The following ARHGAP22 variants were observed in gnomAD, a reference collection of about 807,000 sequenced individuals.
The protein encoded by ARHGAP22 is Rho GTPase activating protein 22, also known as rho GTPase-activating protein 22.
In ARHGAP22, 48 loss-of-function variants were observed where a neutral mutation model predicts 59.1. The ratio of observed to expected loss-of-function variants is 0.81; its 90% CI spans 0.64 to 1.03. The LOEUF (loss-of-function observed/expected upper bound fraction) is 1.03. ARHGAP22 is among the 50% of genes least tolerant of loss of function. The pLI is 0.00. For missense variants in ARHGAP22, 1,015 were observed against 958.7 expected, an observed-to-expected ratio of 1.06 and a Z score of -0.78; for synonymous variants, 445 against 416.4, an observed-to-expected ratio of 1.07 and a Z score of -0.84.
intron 3 of ARHGAP22, among the ~76,000 whole-genome samples, chr10:48,502,137 A>G (rs2051588825): frequency 6.6e-6 from 1 of 152,232 alleles, no homozygotes; most frequent in African/African-American, 2.4e-5. Flanking sequence ...AAATGGTTTC[A>G]GCTCTGTTCC....
chr10:48,539,290 CA>C (rs1186765431), intron 3 of ARHGAP22, among the ~76,000 whole-genome samples: 12 of 129,336 alleles, frequency 9.3e-5, no homozygotes, highest in Non-Finnish European at 1.1e-4. Flanking sequence ...AGAAGGGTAA[CA>C]TTTTTTTTTT....
intron 2 of ARHGAP22, chr10:48,575,336 A>C (rs2058643316): frequency 6.6e-6 from 1 of 152,192 alleles, no homozygotes; most frequent in Non-Finnish European, 1.5e-5. Flanking sequence ...TGAAAGCAAC[A>C]TTTTATTTTT....
At chr10:48,434,042 TAA>T in the ARHGAP22 span, among the ~76,000 whole-genome samples, 2 of 152,216 alleles carry the variant, frequency 1.3e-5, no homozygotes, top group Non-Finnish European at 2.9e-5. Context: ...TCCCCCAGCA[TAA>T]GTCATTCCTG....
At chr10:48,625,366 G>A (rs975257390) in intron 1 of ARHGAP22, among the ~76,000 whole-genome samples, 2 of 152,096 alleles carry the variant, frequency 1.3e-5, no homozygotes, top group African/African-American at 4.8e-5. Context: ...TGACCCCCTT[G>A]TCTAGCTGAG....
intron 4 of ARHGAP22, among the ~76,000 whole-genome samples, chr10:48,469,548 C>A (rs113081841): frequency 2.0e-5 from 3 of 152,178 alleles, no homozygotes; most frequent in Non-Finnish European, 2.9e-5. Flanking sequence ...ATTATGCCCC[C>A]CTCCCCAACC....
chr10:48,616,280 C>A (rs190470109), intron 1 of ARHGAP22, among the ~76,000 whole-genome samples: 1 of 152,004 alleles, frequency 6.6e-6, no homozygotes, highest in Non-Finnish European at 1.5e-5. Flanking sequence ...CCATTTGCAC[C>A]GGGAAACCAA....
At chr10:48,434,855 G>A in the ARHGAP22 span, 7 of 1,583,508 alleles carry the variant, frequency 4.4e-6, no homozygotes, top group South Asian at 6.9e-5. Context: ...GTCTGCAACT[G>A]ATTTGCTGTT....
intron 1 of ARHGAP22, among the ~76,000 whole-genome samples, chr10:48,590,462 C>T (rs1284205366): frequency 2.0e-5 from 3 of 152,220 alleles, no homozygotes; most frequent in East Asian, 1.9e-4. Flanking sequence ...AAGAATGAGG[C>T]CTTCCTCTGC....
At chr10:48,607,064 G>T (rs1263901991), upstream of ARHGAP22, among the ~76,000 whole-genome samples, 1 of 152,154 alleles carries the variant, frequency 6.6e-6, no homozygotes, top group African/African-American at 2.4e-5. Context: ...CGACACCAGG[G>T]TCACAGGGCA....
At chr10:48,482,823 A>G (rs1223384132) in intron 3 of ARHGAP22, among the ~76,000 whole-genome samples, 1 of 152,136 alleles carries the variant, frequency 6.6e-6, no homozygotes, top group African/African-American at 2.4e-5. Context: ...TTATTTTGAA[A>G]TATGCAATAC....
chr10:48,444,638 T>C (rs2045282436), downstream of ARHGAP22: 1 of 152,166 alleles, frequency 6.6e-6, no homozygotes, highest in African/African-American at 2.4e-5. Flanking sequence ...TCTCCTCTGC[T>C]CCTTTGATAG....
At chr10:48,440,521 AAAG>A in the ARHGAP22 span, among the ~76,000 whole-genome samples, 1 of 152,166 alleles carries the variant, frequency 6.6e-6, no homozygotes, top group Non-Finnish European at 1.5e-5. Flanking sequence ...CCCTTGGCAT[AAAG>A]AAGGTTTGGA....
intron 5 of ARHGAP22, 149 bp downstream of exon 5, chr10:48,459,534 AG>A: frequency 1.1e-6 from 1 of 871,714 alleles, no homozygotes. Context: ...TGGCGGAGTG[AG>A]GGTGTGCCCT....
intron 1 of ARHGAP22, among the ~76,000 whole-genome samples, chr10:48,637,748 GA>G (rs1442386435): frequency 6.6e-6 from 1 of 152,126 alleles, no homozygotes; most frequent in Non-Finnish European, 1.5e-5. Context: ...GGGATGAAAA[GA>G]AGGCAGAACC....
At chr10:48,537,686 G>T (rs920425310) in intron 3 of ARHGAP22, among the ~76,000 whole-genome samples, 1 of 152,226 alleles carries the variant, frequency 6.6e-6, no homozygotes, top group African/African-American at 2.4e-5. Flanking sequence ...GAAGCAGCAG[G>T]TCCTCTCCTC....
At chr10:48,594,560 C>T (rs1389552525) in intron 1 of ARHGAP22, among the ~76,000 whole-genome samples, 1 of 152,194 alleles carries the variant, frequency 6.6e-6, no homozygotes, top group Non-Finnish European at 1.5e-5. Flanking sequence ...TTTCCCTCCC[C>T]ACCCCCAAAT....
chr10:48,462,331 T>C (rs1208870709), intron 4 of ARHGAP22, among the ~76,000 whole-genome samples: 3 of 152,144 alleles, frequency 2.0e-5, no homozygotes, highest in Non-Finnish European at 4.4e-5. Flanking sequence ...CTGAGCATTT[T>C]ACACTCATCA....
At chr10:48,457,224 C>T (rs182760717) in intron 5 of ARHGAP22, among the ~76,000 whole-genome samples, 261 of 152,268 alleles carry the variant, frequency 1.7e-3, no homozygotes, top group African/African-American at 5.8e-3. Flanking sequence ...TGCCTCCAGC[C>T]TGGTCCTGAC....
intron 2 of ARHGAP22, among the ~76,000 whole-genome samples, chr10:48,560,141 A>G (rs552969128): frequency 2.0e-5 from 3 of 152,308 alleles, no homozygotes; most frequent in Non-Finnish European, 4.4e-5. Flanking sequence ...TAGAACTCCA[A>G]CTTAATTATT....
Sources: allele counts gnomAD v4.1 joint callset (sites outside exome capture counted in the v4.1 genomes callset), GRCh38; gene constraint gnomAD v4.1.1; transcripts MANE v1.5; gene names NCBI Gene and HGNC (gene_info 2026-07-23, HGNC 2026-07-21).